The following HECW2 variants were observed in gnomAD, a reference collection of about 807,000 sequenced individuals.
HECW2 encodes the protein HECT, C2 and WW domain containing E3 ubiquitin protein ligase 2.
In HECW2, 61 loss-of-function variants were observed where a neutral mutation model predicts 175.2. The observed-to-expected ratio is 0.35, with a 90% CI of 0.28 to 0.43. The LOEUF (loss-of-function observed/expected upper bound fraction) is 0.43. HECW2 is among the 20% of genes least tolerant of loss of function. The pLI, the probability that HECW2 is intolerant of heterozygous loss-of-function variation, is 1.00. For missense variants in HECW2, 1,524 were observed against 2,000.5 expected, an observed-to-expected ratio of 0.76 and a Z score of 4.54; for synonymous variants, 671 against 731.0, an observed-to-expected ratio of 0.92 and a Z score of 1.32.
intron 1 of HECW2, among the ~76,000 whole-genome samples, chr2:196,465,995 C>A (rs1696936947): frequency 6.6e-6 from 1 of 152,140 alleles, no homozygotes; most frequent in Non-Finnish European, 1.5e-5. Context: ...TGTTCACATC[C>A]AATCCCATAA....
At chr2:196,262,079 G>A (rs987637579) in intron 17 of HECW2, among the ~76,000 whole-genome samples, 4 of 152,210 alleles carry the variant, frequency 2.6e-5, no homozygotes, top group Non-Finnish European at 4.4e-5. Flanking sequence ...AGTCTAGAGT[G>A]CAGTGGTACA....
rs192568337 is a variant in HECW2, at chr2:196,315,483, G to A, written c.2434+1791C>T. On this transcript the variant is annotated intron_variant, in intron 10 of 28. Coordinates refer to ENST00000644978, the MANE Select transcript of HECW2 (RefSeq NM_001348768.2). ...CCACCCCACCTCAACTCTAAACATC[G>A]TGTAGTGGGAGGCACCCCCTGCCAT... Among the ~76,000 whole-genome samples the A allele has an allele frequency of 5.9e-3, 895 of 152,130 alleles. 8 individuals carry two copies. The highest frequency in any genetic ancestry group is 0.02 in the Middle Eastern group (6 of 294).
intron 1 of HECW2, among the ~76,000 whole-genome samples, chr2:196,534,977 A>C (rs1385345184): frequency 1.3e-5 from 2 of 152,042 alleles, no homozygotes; most frequent in African/African-American, 4.8e-5. Flanking sequence ...CTCCCCAACT[A>C]ATCTATGTCC....
At chr2:196,345,208 G>A (rs1205001024) in intron 2 of HECW2, among the ~76,000 whole-genome samples, 1 of 152,210 alleles carries the variant, frequency 6.6e-6, no homozygotes. Context: ...CCAAGATGCT[G>A]ATACTTAGAT....
intron 13 of HECW2, among the ~76,000 whole-genome samples, chr2:196,298,878 C>A (rs980214355): frequency 2.0e-5 from 3 of 152,100 alleles, no homozygotes; most frequent in South Asian, 2.1e-4. Flanking sequence ...AGATCATAAA[C>A]AATTCTAGCA....
chr2:196,454,441 A>G (rs967048636), intron 1 of HECW2, among the ~76,000 whole-genome samples: 2 of 152,192 alleles, frequency 1.3e-5, no homozygotes, highest in Non-Finnish European at 2.9e-5. Flanking sequence ...TTAGTTACAC[A>G]ATTCCCTCAA....
intron 1 of HECW2, among the ~76,000 whole-genome samples, chr2:196,445,033 A>T (rs1011790399): frequency 2.0e-5 from 3 of 151,998 alleles, no homozygotes; most frequent in African/African-American, 7.3e-5. Flanking sequence ...CCTAAAGAAC[A>T]CTCTCTTTTT....
chr2:196,576,556 G>C (rs776522672), intron 1 of HECW2, among the ~76,000 whole-genome samples: 2 of 152,148 alleles, frequency 1.3e-5, no homozygotes, highest in Non-Finnish European at 2.9e-5. Context: ...GAATTGGGAA[G>C]GTGGGGAAAA....
chr2:196,358,168 T>C (rs1275025808), intron 2 of HECW2, among the ~76,000 whole-genome samples: 1 of 152,198 alleles, frequency 6.6e-6, no homozygotes, highest in Non-Finnish European at 1.5e-5. Context: ...GACTCCATTT[T>C]CTTAATCTAT....
intron 1 of HECW2, among the ~76,000 whole-genome samples, chr2:196,497,355 A>C (rs982742965): frequency 1.3e-5 from 2 of 152,204 alleles, no homozygotes; most frequent in Non-Finnish European, 2.9e-5. Context: ...CTTCCTAGTA[A>C]ATAAATATGA....
chr2:196,221,015 C>T (rs1687646013), intron 24 of HECW2, 74 bp from the exon 25 acceptor site: 1 of 1,512,530 alleles, frequency 6.6e-7, no homozygotes, highest in Non-Finnish European at 9.1e-7. Context: ...TAGCATTGAG[C>T]TGAAATCAGC....
At chr2:196,530,867 G>A (rs529667591) in intron 1 of HECW2, among the ~76,000 whole-genome samples, 1 of 152,276 alleles carries the variant, frequency 6.6e-6, no homozygotes, top group African/African-American at 2.4e-5. Flanking sequence ...GTACCTTAAA[G>A]TATGTCCTAA....
intron 2 of HECW2, among the ~76,000 whole-genome samples, chr2:196,388,232 T>C (rs75891700): frequency 0.022 from 3,349 of 152,260 alleles, 110 homozygotes; most frequent in African/African-American, 0.077. Flanking sequence ...CAGGTCAAGG[T>C]TGCAATAGCT....
intron 1 of HECW2, among the ~76,000 whole-genome samples, chr2:196,442,268 T>C (rs1696064647): frequency 6.6e-6 from 1 of 152,160 alleles, no homozygotes; most frequent in South Asian, 2.1e-4. Context: ...TAAGTATATA[T>C]CAAAACACAT....
At chr2:196,327,481 G>A (rs1692197646) in intron 5 of HECW2, among the ~76,000 whole-genome samples, 1 of 152,078 alleles carries the variant, frequency 6.6e-6, no homozygotes, top group South Asian at 2.1e-4. Context: ...CCTAAATAAA[G>A]CCTTATTTGC....
chr2:196,578,086 A>G (rs1314534608), intron 1 of HECW2, among the ~76,000 whole-genome samples: 1 of 152,204 alleles, frequency 6.6e-6, no homozygotes, highest in African/African-American at 2.4e-5. Context: ...AATAGGTTCA[A>G]ATTACTAAAG....
At chr2:196,269,592 A>C (rs1260915673) in intron 17 of HECW2, 2 of 151,582 alleles carry the variant, frequency 1.3e-5, no homozygotes, top group East Asian at 1.9e-4. Flanking sequence ...ATACATATAT[A>C]TTTTTACATT....
At chr2:196,266,491 G>A (rs1446479238) in intron 17 of HECW2, among the ~76,000 whole-genome samples, 1 of 152,212 alleles carries the variant, frequency 6.6e-6, no homozygotes, top group African/African-American at 2.4e-5. Context: ...TGTTGGTCCA[G>A]ACATCTGAGT....
chr2:196,351,122 T>C (rs1056624376), intron 2 of HECW2, among the ~76,000 whole-genome samples: 2 of 152,202 alleles, frequency 1.3e-5, no homozygotes, highest in African/African-American at 4.8e-5. Context: ...CCTGGAAAAG[T>C]TGATAATTAT....
Sources: allele counts gnomAD v4.1 joint callset (sites outside exome capture counted in the v4.1 genomes callset), GRCh38; gene constraint gnomAD v4.1.1; transcripts MANE v1.5; gene names NCBI Gene and HGNC (gene_info 2026-07-23, HGNC 2026-07-21).